The following SLC25A26 variants were observed in gnomAD, a reference collection of about 807,000 sequenced individuals.
SLC25A26 encodes mitochondrial S-adenosylmethionine carrier protein.
SLC25A26 carries 36 observed loss-of-function variants against 37.8 expected under a neutral mutation model. The ratio of observed to expected loss-of-function variants is 0.95; its 90% confidence interval spans 0.73 to 1.26. The LOEUF (loss-of-function observed/expected upper bound fraction) is 1.26. Ranked by LOEUF, SLC25A26 falls within the 50% of genes most tolerant of loss-of-function variation. The pLI, the probability that SLC25A26 is intolerant of heterozygous loss-of-function variation, is 0.00. For missense variants in SLC25A26, 390 were observed against 331.1 expected (o/e 1.18, Z -1.38); for synonymous variants, 129 against 122.5 (o/e 1.05, Z -0.35).
intron 1 of SLC25A26, among the ~76,000 whole-genome samples, chr3:66,135,037 G>C (rs1221138465): frequency 6.6e-6 from 1 of 151,978 alleles, no homozygotes; most frequent in Admixed American, 6.6e-5. Context: ...CACCATGTTG[G>C]TCAGGCTGGT....
chr3:66,180,448 A>G (rs1292109489), intron 1 of SLC25A26, among the ~76,000 whole-genome samples: 2 of 152,244 alleles, frequency 1.3e-5, no homozygotes, highest in Non-Finnish European at 2.9e-5. Context: ...CAGACCCACC[A>G]GCATCAGAAA....
At chr3:66,373,626 G>A (rs1700474371) in intron 9 of SLC25A26, among the ~76,000 whole-genome samples, 1 of 151,628 alleles carries the variant, frequency 6.6e-6, no homozygotes, top group African/African-American at 2.4e-5. Context: ...AGGACATAGT[G>A]GTAATTTATA....
intron 2 of SLC25A26, among the ~76,000 whole-genome samples, chr3:66,240,333 A>C (rs1365434925): frequency 1.3e-5 from 2 of 152,176 alleles, no homozygotes; most frequent in Non-Finnish European, 2.9e-5. Context: ...TCCGTTGCCC[A>C]GACTGGAGTG....
At chr3:66,277,386 G>T (rs2074190422) in intron 5 of SLC25A26, among the ~76,000 whole-genome samples, 1 of 152,058 alleles carries the variant, frequency 6.6e-6, no homozygotes, top group African/African-American at 2.4e-5. Context: ...AACTAAGAAA[G>T]TAAAATTCAT....
chr3:66,243,064 A>C, intron 2 of SLC25A26, 139 bp from the exon 3 acceptor site: 1 of 542,170 alleles, frequency 1.8e-6, no homozygotes. Context: ...TGGGGGTAGG[A>C]AGAAAAGATA....
chr3:66,263,212 A>T, intron 4 of SLC25A26, 120 bp from the exon 5 acceptor site: 1 of 714,380 alleles, frequency 1.4e-6, no homozygotes, highest in Non-Finnish European at 2.5e-6. Context: ...CTCTTAGAGA[A>T]GTGTGGCAAT....
At chr3:66,159,396 A>C (rs1403529114) in intron 1 of SLC25A26, among the ~76,000 whole-genome samples, 1 of 152,134 alleles carries the variant, frequency 6.6e-6, no homozygotes, top group Non-Finnish European at 1.5e-5. Flanking sequence ...TTACTGTTTT[A>C]CAGACTGGAA....
chr3:66,143,841 A>G (rs2070074002), intron 1 of SLC25A26, among the ~76,000 whole-genome samples: 2 of 152,186 alleles, frequency 1.3e-5, no homozygotes, highest in African/African-American at 2.4e-5. Flanking sequence ...AGATCGTGCC[A>G]GTGCACTCCA....
intron 5 of SLC25A26, among the ~76,000 whole-genome samples, chr3:66,276,870 G>A (rs548970252): frequency 6.0e-4 from 90 of 149,256 alleles, no homozygotes; most frequent in African/African-American, 2.0e-3. Context: ...ATAGAAGAAC[G>A]CACTAGAGGG....
intron 1 of SLC25A26, among the ~76,000 whole-genome samples, chr3:66,157,805 T>C (rs929821205): frequency 5.9e-5 from 9 of 152,222 alleles, no homozygotes; most frequent in Non-Finnish European, 1.3e-4. Flanking sequence ...AAAAATTTTT[T>C]TGAGACAGGG....
intron 7 of SLC25A26, among the ~76,000 whole-genome samples, chr3:66,364,181 A>T (rs1469108265): frequency 6.6e-6 from 1 of 152,218 alleles, no homozygotes. Flanking sequence ...TTCCTTGAAT[A>T]CCCAATTCAA....
At chr3:66,292,608 G>A (rs970481485) in intron 5 of SLC25A26, among the ~76,000 whole-genome samples, 1 of 152,196 alleles carries the variant, frequency 6.6e-6, no homozygotes, top group Non-Finnish European at 1.5e-5. Flanking sequence ...TTTTAAGAAT[G>A]TTGAATATTG....
intron 5 of SLC25A26, among the ~76,000 whole-genome samples, chr3:66,332,402 A>G (rs1172389434): frequency 6.6e-6 from 1 of 152,160 alleles, no homozygotes; most frequent in African/African-American, 2.4e-5. Flanking sequence ...AATTTATTAC[A>G]TGTTGCTATA....
At chr3:66,347,018 TA>T (rs1025883131) in intron 6 of SLC25A26, among the ~76,000 whole-genome samples, 2 of 149,934 alleles carry the variant, frequency 1.3e-5, no homozygotes, top group Non-Finnish European at 3.0e-5. Context: ...GTGAGCTATT[TA>T]AAAAAAAAAC....
chr3:66,134,907 T>C (rs2069924449), intron 1 of SLC25A26, among the ~76,000 whole-genome samples: 1 of 152,268 alleles, frequency 6.6e-6, no homozygotes, highest in Non-Finnish European at 1.5e-5. Flanking sequence ...CTCGACTCAC[T>C]GCAACTTCTG....
intron 1 of SLC25A26, among the ~76,000 whole-genome samples, chr3:66,201,867 C>A (rs1361750218): frequency 6.6e-6 from 1 of 152,132 alleles, no homozygotes; most frequent in Non-Finnish European, 1.5e-5. Flanking sequence ...CACGATTAAA[C>A]TACCAAAACC....
At chr3:66,190,752 T>C (rs2070926308) in intron 1 of SLC25A26, among the ~76,000 whole-genome samples, 1 of 152,158 alleles carries the variant, frequency 6.6e-6, no homozygotes, top group Non-Finnish European at 1.5e-5. Flanking sequence ...GAGACAAGTG[T>C]CTGATTTTTT....
At chr3:66,204,286 C>T (rs2071145926) in intron 1 of SLC25A26, among the ~76,000 whole-genome samples, 1 of 151,524 alleles carries the variant, frequency 6.6e-6, no homozygotes, top group South Asian at 2.1e-4. Flanking sequence ...ATTAGCCGGG[C>T]GTAGTGGCGG....
chr3:66,342,190 A>G (rs1012380578), intron 5 of SLC25A26, among the ~76,000 whole-genome samples: 2 of 152,128 alleles, frequency 1.3e-5, no homozygotes, highest in Non-Finnish European at 2.9e-5. Flanking sequence ...TCTGCTATAC[A>G]TGGCAGGCCT....
Sources: gnomAD v4.1 joint callset for allele counts (sites outside exome capture counted in the v4.1 genomes callset) on GRCh38, gnomAD v4.1.1 for gene constraint, MANE v1.5 for transcripts, NCBI Gene and HGNC (gene_info 2026-07-23, HGNC 2026-07-21) for gene names.